ALMS1: variants seen among roughly 807,000 people sequenced by gnomAD.
ALMS1 encodes ALMS1 centrosome and basal body associated protein.
ALMS1 carries 271 observed loss-of-function variants against 352.2 expected under a neutral mutation model. That is an observed-to-expected ratio of 0.77 (90% CI 0.70 to 0.85). ALMS1 has a LOEUF of 0.85. Among genes scored for constraint, ALMS1 ranks in the 40% least tolerant of loss-of-function variants. The pLI, the probability that ALMS1 is intolerant of heterozygous loss-of-function variation, is 0.00. For synonymous variants in ALMS1, 1,865 were observed against 1,761.2 expected (o/e 1.06, Z -1.48); for missense variants, 5,445 against 4,870.7 (o/e 1.12, Z -3.51).
intron 7 of ALMS1, among the ~76,000 whole-genome samples, chr2:73,443,424 T>A (rs1387589630): frequency 6.6e-6 from 1 of 152,210 alleles, no homozygotes; most frequent in Non-Finnish European, 1.5e-5. Context: ...TTTTATCCTT[T>A]CATTCTGAGC....
chr2:73,584,843 C>G (rs1328828892), intron 16 of ALMS1, among the ~76,000 whole-genome samples: 1 of 151,756 alleles, frequency 6.6e-6, no homozygotes, highest in Non-Finnish European at 1.5e-5. Flanking sequence ...TTTGTATCCT[C>G]ATAACTTAGC....
At chr2:73,420,625 T>A (rs773169479) in intron 3 of ALMS1, among the ~76,000 whole-genome samples, 10 of 152,204 alleles carry the variant, frequency 6.6e-5, no homozygotes, top group South Asian at 2.1e-4. Flanking sequence ...GAGCTTCATG[T>A]CACTGCAAAA....
rs1259827695 is a variant in ALMS1 at position 73,490,421 on chromosome 2, A to G, written c.8462A>G (p.His2821Arg). The G allele has an allele frequency of 4.3e-6, 7 of 1,614,062 alleles. No homozygotes were observed. The highest frequency in any genetic ancestry group is 1.3e-5 in the African/African-American group (1 of 74,942). ...GAAAGATCAGATTTTACAGGCAGTC[A>G]TTCTGAGCCCAGTACCAGGGCAAAT... ...PLERSDFTGS[H>R]SEPSTRANCS... The change falls in exon 10 of 23, where the codon CAT (histidine) becomes CGT (arginine). Residue 2821 changes from histidine to arginine, a missense_variant. Coordinates refer to ENST00000613296, the MANE Select transcript of ALMS1 (RefSeq NM_001378454.1).
At chr2:73,402,613 T>A (rs1387488031) in intron 1 of ALMS1, among the ~76,000 whole-genome samples, 3 of 152,172 alleles carry the variant, frequency 2.0e-5, no homozygotes, top group Non-Finnish European at 2.9e-5. Context: ...CCGCAATTGC[T>A]GCACTGGTTT....
chr2:73,491,645 A>G, intron 10 of ALMS1, 147 bp downstream of exon 10: 1 of 866,670 alleles, frequency 1.2e-6, no homozygotes, highest in East Asian at 2.7e-5. Context: ...AAGTCTTTCA[A>G]GGAATAAATG....
intron 12 of ALMS1, among the ~76,000 whole-genome samples, chr2:73,535,356 T>C (rs1238406039): frequency 1.3e-5 from 2 of 152,216 alleles, no homozygotes; most frequent in African/African-American, 4.8e-5. Context: ...TTAACAAATT[T>C]GTTATTTATT....
chr2:73,609,141 A>G (rs1014795920), intron 22 of ALMS1, among the ~76,000 whole-genome samples: 1 of 152,230 alleles, frequency 6.6e-6, no homozygotes, highest in Non-Finnish European at 1.5e-5. Flanking sequence ...GAAGGGCCAT[A>G]TACTTCACTG....
At chr2:73,517,348 G>A (rs921960392) in intron 10 of ALMS1, among the ~76,000 whole-genome samples, 1 of 147,032 alleles carries the variant, frequency 6.8e-6, no homozygotes, top group African/African-American at 2.6e-5. Flanking sequence ...CGAACTCTTG[G>A]TCTCAAGCAG....
chr2:73,519,611 A>G (rs952543512), intron 10 of ALMS1, among the ~76,000 whole-genome samples, 164 bp from the exon 11 acceptor site: 3 of 152,244 alleles, frequency 2.0e-5, no homozygotes, highest in Non-Finnish European at 4.4e-5. Context: ...CAAACAAAAT[A>G]AAGGGTACTG....
Position 73,489,637 on chromosome 2 carries a change from T to G in ALMS1, c.7678T>G (p.Leu2560Val), listed in dbSNP as rs1672930590. ...CCTGTTTGTTTGTATCTTCTAGGGTTTACAGAGTCCACGGGGAATGGGATG... is the reference window on the plus strand; with the variant it reads ...CCTGTTTGTTTGTATCTTCTAGGGTGTACAGAGTCCACGGGGAATGGGATG... ...HGRTTDLSKG[L>V]QSPRGMGCKP... Residue 2560 changes from leucine to valine, a missense_variant, in exon 10 of 23, where the codon TTA becomes GTA. Coordinates refer to ENST00000613296, the MANE Select transcript of ALMS1 (RefSeq NM_001378454.1). 6.2e-7 allele frequency: 1 copy of G among 1,614,168 alleles called. No homozygotes were observed. The highest frequency in any genetic ancestry group is 1.3e-5 in the African/African-American group (1 of 75,048).
rs1235358115 is a variant in ALMS1 at position 73,386,092 on chromosome 2, A to T, written c.224A>T (p.Glu75Val). 1 of 1,595,696 alleles carries T rather than the reference A, an allele frequency of 6.3e-7. No individual in the cohort carries two copies. Among genetic ancestry groups the T allele is most frequent in the South Asian group, 1.1e-5 (1 of 87,812 alleles). Residue 75 changes from glutamate to valine, a missense_variant, in exon 1 of 23, where the codon GAG becomes GTG. By Grantham distance (121) the Glu-to-Val change is moderately radical (BLOSUM62 -2). Transcript: ENST00000613296. ...LESIDDEEDE[E>V]AKAWLQAHPG... ...AGTATAGACGACGAGGAGGACGAGG[A>T]GGCCAAGGCCTGGCTGCAGGCGCAC...
chr2:73,518,139 C>G (rs1673598869), intron 10 of ALMS1, among the ~76,000 whole-genome samples: 1 of 151,564 alleles, frequency 6.6e-6, no homozygotes, highest in Non-Finnish European at 1.5e-5. Context: ...TCAAGTAGGC[C>G]CCAGTGTCTG....
intron 10 of ALMS1, among the ~76,000 whole-genome samples, chr2:73,492,055 A>G (rs910775457): frequency 2.0e-5 from 3 of 152,212 alleles, no homozygotes; most frequent in African/African-American, 4.8e-5. Context: ...GTGCTCCCTG[A>G]TATGATGCCC....
intron 16 of ALMS1, among the ~76,000 whole-genome samples, chr2:73,574,479 AT>A (rs1675010813): frequency 6.6e-6 from 1 of 152,218 alleles, no homozygotes; most frequent in African/African-American, 2.4e-5. Flanking sequence ...ATAAATAAAT[AT>A]CTATTTTGAC....
intron 9 of ALMS1, among the ~76,000 whole-genome samples, chr2:73,474,072 A>C (rs1672527539): frequency 6.6e-6 from 1 of 152,122 alleles, no homozygotes. Flanking sequence ...CAAATTGTTA[A>C]ATATTTAGCA....
chr2:73,450,743 A>G lies in ALMS1; in HGVS notation c.4216A>G (p.Lys1406Glu). The G allele has an allele frequency of 6.2e-7, 1 of 1,612,814 alleles. No individual in the cohort carries two copies. ...AGGTAGTCATCTAACTGAAGAGGCT[A>G]AGAACGTTTCAGCGGTTCCTGGACC... ...LPGSHLTEEA[K>E]NVSAVPGPGD... Residue 1406 changes from lysine (K) to glutamate (E), a missense_variant, in exon 8 of 23, where the codon AAG (lysine) becomes GAG (glutamate). Physicochemically the swap from Lys to Glu is moderately conservative, Grantham distance 56. Transcript: ENST00000613296.
At chr2:73,460,663 A>G (rs1452491402) in intron 9 of ALMS1, among the ~76,000 whole-genome samples, 2 of 152,228 alleles carry the variant, frequency 1.3e-5, no homozygotes, top group Non-Finnish European at 2.9e-5. Flanking sequence ...GGGAAGTGCA[A>G]GGGGTCAGGG....
intron 1 of ALMS1, among the ~76,000 whole-genome samples, chr2:73,395,780 T>G (rs1403410879): frequency 3.9e-5 from 6 of 152,168 alleles, no homozygotes; most frequent in Non-Finnish European, 1.5e-5. Context: ...TTTTATGTAT[T>G]TATTTATGGC....
intron 16 of ALMS1, among the ~76,000 whole-genome samples, chr2:73,576,793 T>G (rs2104117097): frequency 6.6e-6 from 1 of 152,126 alleles, no homozygotes; most frequent in Non-Finnish European, 1.5e-5. Flanking sequence ...GCTATTTTTT[T>G]GGATTTTTAG....
Sources: allele counts gnomAD v4.1 joint callset (sites outside exome capture counted in the v4.1 genomes callset), GRCh38; gene constraint gnomAD v4.1.1; transcripts MANE v1.5; gene names NCBI Gene and HGNC (gene_info 2026-07-23, HGNC 2026-07-21).